Variants in TMPPE observed in about 807,000 individuals in gnomAD.
The protein encoded by TMPPE is transmembrane protein with metallophosphoesterase domain.
A neutral mutation model predicts 22.6 loss-of-function variants in TMPPE; 16 were observed. The observed-to-expected ratio is 0.71, with a 90% CI of 0.48 to 1.08. TMPPE has a LOEUF of 1.08. Ranked by LOEUF, TMPPE falls within the 50% of genes least tolerant of loss-of-function variation. The probability of loss-of-function intolerance (pLI) is 0.00; values close to 1 mark genes in which losing one functional copy is unlikely to be tolerated. For synonymous variants in TMPPE, 240 were observed against 245.3 expected (o/e 0.98, Z 0.20); for missense variants, 526 against 584.3 (o/e 0.90, Z 1.03).
rs1700766622 is a variant in TMPPE at position 33,091,621 on chromosome 3, A to AC, written c.*1212_*1213insG. ...AGGCTTGATGGATCCCTCCTGACAA[A>AC]ACAATCTTGAGGTAGATACGATAAT... On this transcript the variant is annotated 3_prime_UTR_variant, in exon 2 of 2. Coordinates refer to ENST00000342462, the MANE Select transcript of TMPPE (RefSeq NM_001039770.3). 2 of 984,160 alleles carry AC rather than the reference A, an allele frequency of 2.0e-6. No homozygotes were observed. The highest frequency in any genetic ancestry group is 2.4e-6 in the Non-Finnish European group (2 of 828,906). The allele number at this position is 984,160 out of a possible 1,614,324, so 61.0% of individuals were successfully genotyped here. A position where few individuals can be genotyped will look rare whatever the true frequency, so the allele number is the denominator to read the frequency against.
chr3:33,094,690 G>C (rs919312917), intron 1 of TMPPE, among the ~76,000 whole-genome samples: 7 of 148,226 alleles, frequency 4.7e-5, no homozygotes, highest in Non-Finnish European at 7.5e-5. Context: ...CTGAGGGGGT[G>C]GAGTCTTCCA....
chr3:33,096,002 A>G (rs916413529), intron 1 of TMPPE, among the ~76,000 whole-genome samples: 6 of 152,230 alleles, frequency 3.9e-5, no homozygotes, highest in African/African-American at 1.2e-4. Flanking sequence ...AAGATGTTCA[A>G]TCTTGGTTGT....
Position 33,091,116 on chromosome 3 carries a change from G to C in TMPPE, c.*1718C>G, listed in dbSNP as rs986564373. ...TGAAATCCAAAGCGAGAACTTAAAG[G>C]GAGTAAGGATGATTCACAAAATGCG... On this transcript the variant is annotated 3_prime_UTR_variant, in exon 2 of 2. Transcript: ENST00000342462. 2 of 985,248 alleles carry C rather than the reference G, an allele frequency of 2.0e-6. No individual in the cohort carries two copies. The highest frequency in any genetic ancestry group is 2.4e-6 in the Non-Finnish European group (2 of 829,930). 61.0% of individuals were successfully genotyped at this position (985,248 alleles called of 1,614,324 possible).
Position 33,092,684 on chromosome 3 carries a change from TAA to T in TMPPE, c.*148_*149del. ...CTGAACATGCCAGGCAGGCCCACCA[TAA>T]GTCACTGTTTGAGTCAGGCTTGTGA... On this transcript the variant is annotated 3_prime_UTR_variant, in exon 2 of 2. Coordinates refer to ENST00000342462, the MANE Select transcript of TMPPE (RefSeq NM_001039770.3). 8 of 1,424,960 alleles carry T rather than the reference TAA, an allele frequency of 5.6e-6. No homozygotes were observed. In the African/African-American group the frequency reaches 5.7e-5, roughly 10 times the overall value. The allele number at this position is 1,424,960 out of a possible 1,614,324, so 88.3% of individuals were successfully genotyped here.
chr3:33,091,472 G>A lies in TMPPE; in HGVS notation c.*1362C>T. Reference sequence around the variant, plus strand: ...TACCCACTCACATTCCCCAGGACTGGCTGCTCCATGAATCCTCTGGGCACC... The same window carrying A: ...TACCCACTCACATTCCCCAGGACTGACTGCTCCATGAATCCTCTGGGCACC... On this transcript the variant is annotated 3_prime_UTR_variant, in exon 2 of 2. Transcript: ENST00000342462. 4 of 985,478 alleles carry A rather than the reference G, an allele frequency of 4.1e-6. No homozygotes were observed. The highest frequency in any genetic ancestry group is 4.8e-6 in the Non-Finnish European group (4 of 829,976). The allele number at this position is 985,478 out of a possible 1,614,324, so 61.0% of individuals were successfully genotyped here.
rs376211515 is a variant in TMPPE at position 33,093,078 on chromosome 3, G to A, written c.1118C>T (p.Ala373Val). Reference sequence around the variant, plus strand: ...CCGAGCCTGGAGAGCTCTCTTGGCAGCCAGGGGCTGGTGAGCTAGCAAGAT... The same window carrying A: ...CCGAGCCTGGAGAGCTCTCTTGGCAACCAGGGGCTGGTGAGCTAGCAAGAT... The part of the protein sequence containing the change: ...TIILLAHQPL[A>V]AKRALQARPD... The change falls in exon 2 of 2, where the codon GCT becomes GTT. Residue 373 changes from alanine to valine, a missense_variant. Transcript: ENST00000342462. The surrounding 1 kb of genome is among the most constrained non-coding windows in gnomAD (Gnocchi z 6.0). 6.2e-7 allele frequency: 1 copy of A among 1,614,146 alleles called. No homozygotes were observed. The highest frequency in any genetic ancestry group is 8.5e-7 in the Non-Finnish European group (1 of 1,180,054).
At position 33,091,635 on chromosome 3, in the gene TMPPE, A is replaced by G. The variant is rs1255272500; in HGVS notation, c.*1199T>C. The G allele has an allele frequency of 1.0e-6, 1 of 984,134 alleles. No individual in the cohort carries two copies. Among genetic ancestry groups the G allele is most frequent in the East Asian group, 1.1e-4 (1 of 8,800 alleles). 61.0% of individuals were successfully genotyped at this position (984,134 alleles called of 1,614,324 possible). ...CCTCCTGACAAAACAATCTTGAGGT[A>G]GATACGATAATTATCCCCATTTTAG... On this transcript the variant is annotated 3_prime_UTR_variant, in exon 2 of 2. Transcript: ENST00000342462.
chr3:33,092,532 G>A lies in TMPPE; in HGVS notation c.*302C>T, dbSNP rs1183846530. ...CCCGAGGGGAGGTTCATCCCTGGGAGCTCTGCAGGAGAAGGTCCCCATTCC... is the reference window on the plus strand; with the variant it reads ...CCCGAGGGGAGGTTCATCCCTGGGAACTCTGCAGGAGAAGGTCCCCATTCC... On this transcript the variant is annotated 3_prime_UTR_variant, in exon 2 of 2. Coordinates refer to ENST00000342462, the MANE Select transcript of TMPPE (RefSeq NM_001039770.3). 28 of 1,140,722 alleles carry A rather than the reference G, an allele frequency of 2.5e-5. No homozygotes were observed. Among genetic ancestry groups the A allele is most frequent in the Non-Finnish European group, 2.9e-5 (27 of 927,822 alleles). 70.7% of individuals were successfully genotyped at this position (1,140,722 alleles called of 1,614,324 possible). A position where few individuals can be genotyped will look rare whatever the true frequency, so the allele number is the denominator to read the frequency against.
rs149442180 is a variant in TMPPE at position 33,094,132 on chromosome 3, C to T, written c.64G>A (p.Val22Met). 1.9e-5 allele frequency: 30 copies of T among 1,613,706 alleles called. No homozygotes were observed. In the African/African-American group the frequency reaches 2.0e-4, roughly 11 times the overall value. Residue 22 changes from valine to methionine, a missense_variant, in exon 2 of 2, where the codon GTG becomes ATG. Transcript: ENST00000342462. The stretch of plus-strand genomic sequence containing the variant: ...TACGAGCGGGAGGCGATCATGGACA[C>T]GAAGACAGTGACAGCAGCCAGGGTG... ...KATLAAVTVF[V>M]SMIASRSYLA...
Position 33,093,709 on chromosome 3 carries a change from C to T in TMPPE, c.487G>A (p.Val163Met), listed in dbSNP as rs374474257. ...CCCACTGCCAGGGCAGGCCTGAGCACGAGCTTCCTTGTCTTCTCAAGGCTG... is the reference window on the plus strand; with the variant it reads ...CCCACTGCCAGGGCAGGCCTGAGCATGAGCTTCCTTGTCTTCTCAAGGCTG... ...VGSLEKTRKL[V>M]LRPALAVGVT... The change falls in exon 2 of 2, where the codon GTG (valine) becomes ATG (methionine). Residue 163 changes from valine to methionine, a missense_variant. Transcript: ENST00000342462. This position sits in a 1 kb window ranked among gnomAD's most constrained non-coding sequence, Gnocchi z 6.0. The T allele has an allele frequency of 2.1e-5, 34 of 1,614,122 alleles. No homozygotes were observed. In the African/African-American group the frequency reaches 3.3e-4, roughly 16 times the overall value.
In TMPPE at chr3:33,094,319, A is replaced by C. The variant is rs555991851; in HGVS notation, c.-108-16T>G. The C allele has an allele frequency of 1.2e-4, 170 of 1,474,628 alleles. No individual in the cohort carries two copies. The African/African-American group carries it at 2.3e-3, about 20-fold the overall frequency. 91.3% of individuals were successfully genotyped at this position (1,474,628 alleles called of 1,614,324 possible). ...TCAACTCCGCCTGCAACCAGGAACC[A>C]GCATCAGCTTTGTGGGATATTAGAG... On this transcript the variant is annotated splice_polypyrimidine_tract_variant and intron_variant, in intron 1 of 1. Transcript: ENST00000342462.
At chr3:33,096,360 C>T in intron 1 of TMPPE, 6 of 979,672 alleles carry the variant, frequency 6.1e-6, no homozygotes, top group Middle Eastern at 5.2e-4. Flanking sequence ...GCCAGCCCTG[C>T]CCCGATCAAC....
In TMPPE at chr3:33,096,766, A is replaced by G; in HGVS notation, c.-156T>C. The G allele has an allele frequency of 3.8e-6, 5 of 1,318,110 alleles. No individual in the cohort carries two copies. The highest frequency in any genetic ancestry group is 4.8e-6 in the Non-Finnish European group (5 of 1,038,310). 81.7% of individuals were successfully genotyped at this position (1,318,110 alleles called of 1,614,324 possible). On this transcript the variant is annotated 5_prime_UTR_variant, in exon 1 of 2. Coordinates refer to ENST00000342462, the MANE Select transcript of TMPPE (RefSeq NM_001039770.3). ...GATGGGGAAGTGGATCCAAGCGCAA[A>G]GGGCGGCCGGAGCGGAACGCACAAG... is the stretch of plus-strand genomic sequence containing the variant.
chr3:33,093,048 T>C lies in TMPPE; in HGVS notation c.1148A>G (p.Asp383Gly). Reference sequence around the variant, plus strand: ...GTGCCCAGAAAGGATCAGGTTAATATCTGGCCGAGCCTGGAGAGCTCTCTT... The same window carrying C: ...GTGCCCAGAAAGGATCAGGTTAATACCTGGCCGAGCCTGGAGAGCTCTCTT... ...AAKRALQARP[D>G]INLILSGHTH... Residue 383 changes from aspartate to glycine, a missense_variant, in exon 2 of 2, where the codon GAT becomes GGT. By Grantham distance (94) the Asp-to-Gly change is moderately conservative. Coordinates refer to ENST00000342462, the MANE Select transcript of TMPPE (RefSeq NM_001039770.3). The surrounding 1 kb of genome is among the most constrained non-coding windows in gnomAD (Gnocchi z 6.0). The C allele has an allele frequency of 1.9e-6, 3 of 1,614,182 alleles. No individual in the cohort carries two copies. Among genetic ancestry groups the C allele is most frequent in the Non-Finnish European group, 1.7e-6 (2 of 1,180,034 alleles).
chr3:33,092,247 G>A lies in TMPPE; in HGVS notation c.*587C>T. The A allele has an allele frequency of 1.0e-6, 1 of 985,732 alleles. No homozygotes were observed. 61.1% of individuals were successfully genotyped at this position (985,732 alleles called of 1,614,324 possible). On this transcript the variant is annotated 3_prime_UTR_variant, in exon 2 of 2. Transcript: ENST00000342462. ...GGAACAGGAGGAGCTTTGCATTCCA[G>A]TAGATTTTGCTGATGCCCTCAATAG...
chr3:33,094,601 C>T (rs115852382), intron 1 of TMPPE, among the ~76,000 whole-genome samples: 47 of 152,278 alleles, frequency 3.1e-4, no homozygotes, highest in African/African-American at 1.1e-3. Flanking sequence ...CTGGAGAGAG[C>T]CCTTCAGGGG....
Position 33,093,363 on chromosome 3 carries a change from T to C in TMPPE, c.833A>G (p.His278Arg), listed in dbSNP as rs780876833. 6.8e-6 allele frequency: 11 copies of C among 1,614,176 alleles called. No homozygotes were observed. The Admixed American group carries it at 1.3e-4, about 20-fold the overall frequency. The change falls in exon 2 of 2, where the codon CAT becomes CGT. Residue 278 changes from histidine (H) to arginine (R), a missense_variant. By Grantham distance (29) the His-to-Arg change is conservative (BLOSUM62 0). Coordinates refer to ENST00000342462, the MANE Select transcript of TMPPE (RefSeq NM_001039770.3). This position sits in a 1 kb window ranked among gnomAD's most constrained non-coding sequence, Gnocchi z 6.0. The stretch of plus-strand genomic sequence containing the variant: ...GCTGACATCTGACGTGTAGTACTCA[T>C]GATTGCCTGTGACGAAGTAGGCACC... ...HLGAYFVTGN[H>R]EYYTSDVSNW...
At position 33,095,150 on chromosome 3, in the gene TMPPE, G is replaced by C. The variant is rs553559888; in HGVS notation, c.-108-847C>G. On this transcript the variant is annotated intron_variant, in intron 1 of 1. Coordinates refer to ENST00000342462, the MANE Select transcript of TMPPE (RefSeq NM_001039770.3). ...CACTTGAACCTGGGAGGTGGAAGTT[G>C]TAGTGAGCCAAGATCGTGCCACTGC... 7.1e-3 allele frequency among the ~76,000 whole-genome samples: 924 copies of C among 129,348 alleles called. 15 individuals are homozygous for C. Among genetic ancestry groups the C allele is most frequent in the African/African-American group, 0.025 (868 of 34,768 alleles). The allele number at this position is 129,348 out of a possible 152,430, so 84.9% of individuals were successfully genotyped here.
chr3:33,096,871 C>A lies in TMPPE; in HGVS notation c.-261G>T, dbSNP rs1263597451. The A allele has an allele frequency of 6.3e-6, 9 of 1,427,040 alleles. No homozygotes were observed. In the South Asian group the frequency reaches 1.0e-4, roughly 16 times the overall value. The allele number at this position is 1,427,040 out of a possible 1,614,324, so 88.4% of individuals were successfully genotyped here. A position where few individuals can be genotyped will look rare whatever the true frequency, so the allele number is the denominator to read the frequency against. On this transcript the variant is annotated 5_prime_UTR_variant, in exon 1 of 2. Coordinates refer to ENST00000342462, the MANE Select transcript of TMPPE (RefSeq NM_001039770.3). Reference sequence around the variant, plus strand: ...GGCCGGTCCACTGCCTGCGTTCCGCCGGCCGCGAGCCTGCTGGGGGGCACT... The same window carrying A: ...GGCCGGTCCACTGCCTGCGTTCCGCAGGCCGCGAGCCTGCTGGGGGGCACT...
Sources: gnomAD v4.1 joint callset for allele counts (sites outside exome capture counted in the v4.1 genomes callset) on GRCh38, gnomAD v4.1.1 for gene constraint, Gnocchi (gnomAD v3.1) non-coding constraint, MANE v1.5 for transcripts, NCBI Gene and HGNC (gene_info 2026-07-23, HGNC 2026-07-21) for gene names.